The following TENM2 variants were observed in gnomAD, a reference collection of about 807,000 sequenced individuals.
TENM2 encodes the protein teneurin transmembrane protein 2, also known as teneurin-2.
A neutral mutation model predicts 245.2 loss-of-function variants in TENM2; 52 were observed. That is an observed-to-expected ratio of 0.21 (90% CI 0.17 to 0.27). The LOEUF (loss-of-function observed/expected upper bound fraction) is 0.27, where lower values mean the gene tolerates loss of function less well. TENM2 is among the 10% of genes least tolerant of loss of function. The pLI is 1.00. For missense variants in TENM2, 3,046 were observed against 3,666.8 expected (o/e 0.83, Z 4.37); for synonymous variants, 1,363 against 1,438.9 (o/e 0.95, Z 1.19).
At chr5:167,085,509 T>C in the TENM2 span, among the ~76,000 whole-genome samples, 18 of 152,192 alleles carry the variant, frequency 1.2e-4, no homozygotes, top group Non-Finnish European at 2.6e-4. Context: ...AGGCAATATG[T>C]AATGTTCTTT....
At chr5:167,812,232 T>C (rs1219178758) in intron 2 of TENM2, among the ~76,000 whole-genome samples, 2 of 152,114 alleles carry the variant, frequency 1.3e-5, no homozygotes, top group African/African-American at 4.8e-5. Context: ...CTGAAGATGA[T>C]GGAATGTAAT....
At chr5:167,302,731 A>C (rs1366642742) in intron 1 of TENM2, among the ~76,000 whole-genome samples, 2 of 151,970 alleles carry the variant, frequency 1.3e-5, no homozygotes, top group African/African-American at 4.8e-5. Flanking sequence ...GGGGGTTCTT[A>C]CTGCCCAGAA....
chr5:167,460,642 C>A (rs1359366749), intron 2 of TENM2, among the ~76,000 whole-genome samples: 1 of 151,362 alleles, frequency 6.6e-6, no homozygotes, highest in Non-Finnish European at 1.5e-5. Context: ...ATACCACAGA[C>A]AACCACAGTT....
exon 14 of TENM2, chr5:168,190,405 C>A: frequency 6.2e-7 from 1 of 1,613,904 alleles, no homozygotes; most frequent in Non-Finnish European, 8.5e-7. Flanking sequence ...CCTGCTCTGC[C>A]GGGGGTCCCG....
intron 1 of TENM2, among the ~76,000 whole-genome samples, chr5:167,304,884 C>G (rs908016060): frequency 6.6e-6 from 1 of 152,144 alleles, no homozygotes; most frequent in Admixed American, 6.5e-5. Flanking sequence ...AAGTTATAAA[C>G]ATACCCTGTA....
At chr5:168,007,421 A>G (rs1302569942) in intron 5 of TENM2, among the ~76,000 whole-genome samples, 2 of 152,002 alleles carry the variant, frequency 1.3e-5, no homozygotes, top group African/African-American at 4.8e-5. Flanking sequence ...GAGCCACCAC[A>G]CCCAGCCAGG....
chr5:167,237,844 C>G, the TENM2 span, among the ~76,000 whole-genome samples: 2 of 151,932 alleles, frequency 1.3e-5, no homozygotes, highest in Non-Finnish European at 2.9e-5. Flanking sequence ...AACCCCTTCT[C>G]TACTAAAAAC....
intron 3 of TENM2, among the ~76,000 whole-genome samples, chr5:167,927,056 G>A (rs1209239870): frequency 1.3e-5 from 2 of 151,976 alleles, no homozygotes; most frequent in Non-Finnish European, 2.9e-5. Context: ...TGGACTTCTT[G>A]TAGGTAGCCC....
At chr5:167,894,927 AAGG>A (rs1448564166) in intron 3 of TENM2, among the ~76,000 whole-genome samples, 1 of 26,504 alleles carries the variant, frequency 3.8e-5, no homozygotes, top group Non-Finnish European at 9.9e-5. Flanking sequence ...GGAAAGAAGG[AAGG>A]AAGGAAGGAA....
At chr5:167,885,248 T>C (rs1774192083) in intron 3 of TENM2, among the ~76,000 whole-genome samples, 1 of 152,230 alleles carries the variant, frequency 6.6e-6, no homozygotes, top group Non-Finnish European at 1.5e-5. Flanking sequence ...AAGTTTTTAA[T>C]CTTGGTGTGG....
chr5:168,022,852 G>C (rs949888421), intron 5 of TENM2, among the ~76,000 whole-genome samples: 2 of 152,140 alleles, frequency 1.3e-5, no homozygotes, highest in African/African-American at 4.8e-5. Context: ...GGGACTCAGG[G>C]GCAGCCGTGT....
intron 7 of TENM2, among the ~76,000 whole-genome samples, chr5:168,070,477 A>T (rs1790890325): frequency 2.0e-5 from 3 of 152,080 alleles, no homozygotes; most frequent in Non-Finnish European, 4.4e-5. Flanking sequence ...ATATCTAAAT[A>T]CTTATTTAGA....
chr5:167,509,800 T>G (rs1022825064), intron 2 of TENM2, among the ~76,000 whole-genome samples: 4 of 152,320 alleles, frequency 2.6e-5, no homozygotes, highest in African/African-American at 9.6e-5. Flanking sequence ...TATTATCCCT[T>G]TCTGGGCTTA....
chr5:167,206,785 G>A, the TENM2 span, among the ~76,000 whole-genome samples: 6 of 152,044 alleles, frequency 3.9e-5, no homozygotes, highest in Non-Finnish European at 5.9e-5. Flanking sequence ...TGTCAAGATC[G>A]TGTGTTATTT....
At chr5:167,074,375 G>A in the TENM2 span, among the ~76,000 whole-genome samples, 1 of 152,110 alleles carries the variant, frequency 6.6e-6, no homozygotes, top group Non-Finnish European at 1.5e-5. Flanking sequence ...AGGTGGCCGA[G>A]GAAGTAGAAA....
chr5:167,004,755 AG>A, the TENM2 span, among the ~76,000 whole-genome samples: 5 of 152,326 alleles, frequency 3.3e-5, no homozygotes, highest in African/African-American at 1.2e-4. Context: ...CGTTTTAGGC[AG>A]TACGCTCCAC....
chr5:167,684,427 C>T (rs1001493413), intron 2 of TENM2, among the ~76,000 whole-genome samples: 1 of 152,198 alleles, frequency 6.6e-6, no homozygotes, highest in African/African-American at 2.4e-5. Context: ...TGAGGGCACA[C>T]GCTGACATTT....
At chr5:167,722,691 T>A (rs1366010637) in intron 2 of TENM2, among the ~76,000 whole-genome samples, 3 of 151,972 alleles carry the variant, frequency 2.0e-5, no homozygotes, top group Admixed American at 6.6e-5. Context: ...GCAGGATAAT[T>A]GCTTGAACCC....
At chr5:168,010,763 G>A (rs1785159961) in intron 5 of TENM2, among the ~76,000 whole-genome samples, 1 of 152,268 alleles carries the variant, frequency 6.6e-6, no homozygotes, top group Non-Finnish European at 1.5e-5. Flanking sequence ...ACGCTGATTA[G>A]CAGATCTTTT....
Sources: gnomAD v4.1 joint callset for allele counts (sites outside exome capture counted in the v4.1 genomes callset) on GRCh38, gnomAD v4.1.1 for gene constraint, MANE v1.5 for transcripts, NCBI Gene and HGNC (gene_info 2026-07-23, HGNC 2026-07-21) for gene names.